The following CMKLR1 variants were observed in gnomAD, a reference collection of about 807,000 sequenced individuals.
The protein encoded by CMKLR1 is chemerin chemokine-like receptor 1, also known as chemerin-like receptor 1.
A neutral mutation model predicts 8.2 loss-of-function variants in CMKLR1; 6 were observed. The ratio of observed to expected loss-of-function variants is 0.73; its 90% CI spans 0.40 to 1.44. The LOEUF (loss-of-function observed/expected upper bound fraction) is 1.44, where lower values mean the gene tolerates loss of function less well. Ranked by LOEUF, CMKLR1 falls within the 40% of genes most tolerant of loss-of-function variation. The pLI is 0.02. For missense variants in CMKLR1, 429 were observed against 478.0 expected (o/e 0.90, Z 0.96); for synonymous variants, 178 against 181.2 (o/e 0.98, Z 0.14).
At chr12:108,321,437 A>C (rs191126160) in intron 2 of CMKLR1, among the ~76,000 whole-genome samples, 1,903 of 152,220 alleles carry the variant, frequency 0.013, 41 homozygotes, top group African/African-American at 0.043. Context: ...GTCTCCAAAA[A>C]AATAATAATA....
chr12:108,298,507 A>G (rs886304116), intron 2 of CMKLR1, among the ~76,000 whole-genome samples: 1 of 152,186 alleles, frequency 6.6e-6, no homozygotes, highest in African/African-American at 2.4e-5. Context: ...ATGTCTGTTC[A>G]CACCTTTCCT....
chr12:108,304,975 T>G (rs1348850545), intron 2 of CMKLR1, among the ~76,000 whole-genome samples: 1 of 152,208 alleles, frequency 6.6e-6, no homozygotes, highest in Non-Finnish European at 1.5e-5. Flanking sequence ...ATGTTTGGCC[T>G]GGCTCCTGTC....
In CMKLR1 at chr12:108,288,707, G is replaced by A. The variant is rs1890869156; in HGVS notation, c.*3134C>T. On this transcript the variant is annotated 3_prime_UTR_variant, in exon 4 of 4. Transcript: ENST00000550402. ...CTTCTCCCTGTCCTTGCTGGCTCAAGGGTCAGCTGGAGATGGTTCTGAAAT... is the reference window on the plus strand; with the variant it reads ...CTTCTCCCTGTCCTTGCTGGCTCAAAGGTCAGCTGGAGATGGTTCTGAAAT... 1 of 152,252 alleles carries A rather than the reference G, an allele frequency of 6.6e-6. No individual in the cohort carries two copies. The highest frequency in any genetic ancestry group is 6.5e-5 in the Admixed American group (1 of 15,284). 9.4% of individuals were successfully genotyped at this position (152,252 alleles called of 1,614,324 possible).
rs1187152342 is a variant in CMKLR1, at chr12:108,292,210, G to A, written c.753C>T (p.Arg251=). ...LTIVCKLQRN[R]LAKTKKPFKI... ...TGAAGGGCTTCTTGGTCTTGGCCAGGCGGTTGCGCTGCAGTTTGCACACGA... is the reference window on the plus strand; with the variant it reads ...TGAAGGGCTTCTTGGTCTTGGCCAGACGGTTGCGCTGCAGTTTGCACACGA... Residue 251 remains arginine (R), a synonymous_variant, in exon 4 of 4, where the codon CGC becomes CGT. Transcript: ENST00000550402. The A allele has an allele frequency of 6.2e-7, 1 of 1,614,102 alleles. No individual in the cohort carries two copies. Among genetic ancestry groups the A allele is most frequent in the South Asian group, 1.1e-5 (1 of 91,078 alleles).
chr12:108,312,584 C>T (rs1218390883), intron 2 of CMKLR1, among the ~76,000 whole-genome samples: 1 of 152,212 alleles, frequency 6.6e-6, no homozygotes, highest in East Asian at 1.9e-4. Flanking sequence ...TAGATATTTT[C>T]ATTCCCATTT....
chr12:108,314,448 G>A (rs990901263), intron 2 of CMKLR1, among the ~76,000 whole-genome samples: 3 of 152,198 alleles, frequency 2.0e-5, no homozygotes, highest in African/African-American at 7.2e-5. Flanking sequence ...ATCTGATCAC[G>A]GAACGGGGTC....
intron 2 of CMKLR1, among the ~76,000 whole-genome samples, chr12:108,297,682 A>T (rs1265202065): frequency 6.6e-6 from 1 of 152,180 alleles, no homozygotes; most frequent in Non-Finnish European, 1.5e-5. Context: ...CCAGAATCTG[A>T]CTTCCAAGGA....
chr12:108,322,172 G>C (rs1026158585), intron 2 of CMKLR1, among the ~76,000 whole-genome samples: 2 of 152,212 alleles, frequency 1.3e-5, no homozygotes, highest in African/African-American at 4.8e-5. Flanking sequence ...CAGTCTGAGG[G>C]CTAGGATGTT....
At chr12:108,302,935 A>T (rs1891316022) in intron 2 of CMKLR1, among the ~76,000 whole-genome samples, 1 of 152,102 alleles carries the variant, frequency 6.6e-6, no homozygotes. Flanking sequence ...AAGTGGAGGG[A>T]TGGAGGGGTA....
intron 1 of CMKLR1, among the ~76,000 whole-genome samples, chr12:108,333,507 T>A (rs754923311): frequency 1.3e-5 from 2 of 152,212 alleles, no homozygotes; most frequent in Admixed American, 1.3e-4. Flanking sequence ...CAAAGCTCAC[T>A]GTCCCAAAAA....
At chr12:108,311,048 A>G (rs1280814681) in intron 2 of CMKLR1, among the ~76,000 whole-genome samples, 1 of 151,326 alleles carries the variant, frequency 6.6e-6, no homozygotes, top group African/African-American at 2.4e-5. Context: ...GGCATCCCCC[A>G]CTGCAAATTG....
intron 2 of CMKLR1, among the ~76,000 whole-genome samples, chr12:108,315,565 T>A (rs1334744477): frequency 6.6e-6 from 1 of 152,128 alleles, no homozygotes; most frequent in Non-Finnish European, 1.5e-5. Flanking sequence ...TAAATTCCCA[T>A]AAGGGTCCTG....
intron 2 of CMKLR1, among the ~76,000 whole-genome samples, chr12:108,299,609 C>T (rs555702284): frequency 5.9e-5 from 9 of 152,128 alleles, no homozygotes; most frequent in African/African-American, 9.6e-5. Flanking sequence ...TGAGATCATC[C>T]GGGATTAGAG....
At chr12:108,311,637 A>C (rs1176087691) in intron 2 of CMKLR1, among the ~76,000 whole-genome samples, 1 of 152,190 alleles carries the variant, frequency 6.6e-6, no homozygotes, top group African/African-American at 2.4e-5. Context: ...TAAAAAGAAA[A>C]AAAGTGCCAG....
chr12:108,315,790 C>T (rs777884002), intron 2 of CMKLR1, among the ~76,000 whole-genome samples: 1 of 152,150 alleles, frequency 6.6e-6, no homozygotes, highest in South Asian at 2.1e-4. Context: ...TTACCAAAGC[C>T]CCTATGGTTT....
At chr12:108,294,835 T>C (rs959570061) in intron 2 of CMKLR1, among the ~76,000 whole-genome samples, 11 of 152,188 alleles carry the variant, frequency 7.2e-5, no homozygotes, top group East Asian at 5.8e-4. Context: ...TGCTTTATTA[T>C]AAATAACTCC....
intron 2 of CMKLR1, among the ~76,000 whole-genome samples, chr12:108,312,974 C>A (rs1891623972): frequency 1.3e-5 from 2 of 152,106 alleles, no homozygotes; most frequent in African/African-American, 4.8e-5. Context: ...CTGAGCTGCC[C>A]CAGGGTCCTC....
intron 2 of CMKLR1, among the ~76,000 whole-genome samples, chr12:108,311,802 G>A (rs1891585514): frequency 6.6e-6 from 1 of 152,200 alleles, no homozygotes; most frequent in South Asian, 2.1e-4. Flanking sequence ...CCAGGACAGG[G>A]CTGCAGGACT....
At position 108,292,695 on chromosome 12, in the gene CMKLR1, C is replaced by T. The variant is rs1303270427; in HGVS notation, c.268G>A (p.Val90Ile). The T allele has an allele frequency of 3.7e-6, 6 of 1,613,964 alleles. No individual in the cohort carries two copies. The highest frequency in any genetic ancestry group is 2.2e-5 in the East Asian group (1 of 44,896). The change falls in exon 4 of 4, where the codon GTC (valine) becomes ATC (isoleucine). Residue 90 changes from valine to isoleucine, a missense_variant. Physicochemically the swap from Val to Ile is conservative, Grantham distance 29 (BLOSUM62 3). Coordinates refer to ENST00000550402, the MANE Select transcript of CMKLR1 (RefSeq NM_001142343.2). ...TAGGTGATATGGATTGGGAGGAAGA[C>T]GTTGAACAGGAAATCTGCCACTGCC... ...NLAVADFLFN[V>I]FLPIHITYAA...
Sources: allele counts gnomAD v4.1 joint callset (sites outside exome capture counted in the v4.1 genomes callset), GRCh38; gene constraint gnomAD v4.1.1; transcripts MANE v1.5; gene names NCBI Gene and HGNC (gene_info 2026-07-23, HGNC 2026-07-21).